The following CRYM variants were observed in gnomAD, a reference collection of about 807,000 sequenced individuals.
The protein encoded by CRYM is ketimine reductase mu-crystallin.
In CRYM, 18 loss-of-function variants were observed where a neutral mutation model predicts 32.9. The ratio of observed to expected loss-of-function variants is 0.55; its 90% CI spans 0.38 to 0.81. The LOEUF (loss-of-function observed/expected upper bound fraction) is 0.81, where lower values mean the gene tolerates loss of function less well. CRYM is among the 30% of genes least tolerant of loss of function. CRYM has a pLI of 0.00. For missense variants in CRYM, 337 were observed against 393.5 expected (o/e 0.86, Z 1.21); for synonymous variants, 153 against 152.4 (o/e 1.00, Z -0.03).
rs149940686 is a variant in CRYM, at chr16:21,302,230, T to G, written c.-193+748A>C. 7.9e-3 allele frequency among the ~76,000 whole-genome samples: 1,206 copies of G among 152,354 alleles called. 20 individuals are homozygous for G. The highest frequency in any genetic ancestry group is 0.027 in the African/African-American group (1,121 of 41,584). On this transcript the variant is annotated intron_variant, in intron 1 of 9. Coordinates refer to the CRYM transcript ENST00000219599. The stretch of plus-strand genomic sequence containing the variant: ...TCCAGAATTTATTTGCTGTGACCTA[T>G]GGCAAATTGCTTGGTTTCTCTAAGC...
chr16:21,289,312 T>C (rs1960554487), intron 1 of CRYM, among the ~76,000 whole-genome samples: 1 of 152,262 alleles, frequency 6.6e-6, no homozygotes, highest in Admixed American at 6.5e-5. Context: ...TTAACCCATT[T>C]AATAGTATAT....
At chr16:21,276,708 T>G (rs1183805722) in intron 2 of CRYM, among the ~76,000 whole-genome samples, 1 of 152,228 alleles carries the variant, frequency 6.6e-6, no homozygotes, top group Non-Finnish European at 1.5e-5. Flanking sequence ...ATGTAGCAGT[T>G]AAAATGGCGG....
chr16:21,296,372 A>G (rs984272194), intron 1 of CRYM, among the ~76,000 whole-genome samples: 4 of 152,254 alleles, frequency 2.6e-5, no homozygotes, highest in African/African-American at 9.6e-5. Context: ...AGAACTTGTC[A>G]GGGAGAAATA....
At chr16:21,264,720 T>C (rs1462938827) in intron 5 of CRYM, among the ~76,000 whole-genome samples, 1 of 152,190 alleles carries the variant, frequency 6.6e-6, no homozygotes, top group Non-Finnish European at 1.5e-5. Context: ...CAGCCCTTCC[T>C]GGAGAATGAT....
At chr16:21,260,881 C>G (rs983358242) in intron 7 of CRYM, among the ~76,000 whole-genome samples, 4 of 152,176 alleles carry the variant, frequency 2.6e-5, no homozygotes, top group Non-Finnish European at 2.9e-5. Flanking sequence ...ACATCTTTGT[C>G]CCCTGCCCCC....
upstream of CRYM, among the ~76,000 whole-genome samples, chr16:21,282,115 T>C (rs895941383): frequency 2.6e-5 from 4 of 152,202 alleles, no homozygotes; most frequent in African/African-American, 9.7e-5. Context: ...CTGATGATAG[T>C]GAATGAGTCT....
At position 21,258,783 on chromosome 16, in the gene CRYM, AT is replaced by A; in HGVS notation, c.942del (p.Lys314AsnfsTer13). ...KLIYDSWSSG[K>X] ...TCTCAACATCAAGTTCCTTTGTTTT[AT>A]TTACCAGATGACCAGGAATCATAGA... On this transcript the variant is annotated frameshift_variant, in exon 8 of 8. Coordinates refer to ENST00000572914, the MANE Select transcript of CRYM (RefSeq NM_001376256.1). LOFTEE classifies it high-confidence loss of function. The A allele has an allele frequency of 1.2e-6, 2 of 1,613,626 alleles. No homozygotes were observed. The highest frequency in any genetic ancestry group is 8.5e-7 in the Non-Finnish European group (1 of 1,179,560).
In CRYM at chr16:21,295,575, C is replaced by T. The variant is rs79300408; in HGVS notation, c.-193+7403G>A. Reference sequence around the variant, plus strand: ...TGTATGTTGTGCTTTTCAAGGAATTCGTCCATTTCACTTAAATTGTTAACT... The same window carrying T: ...TGTATGTTGTGCTTTTCAAGGAATTTGTCCATTTCACTTAAATTGTTAACT... On this transcript the variant is annotated intron_variant, in intron 1 of 9. Coordinates refer to the CRYM transcript ENST00000219599. 7.6e-3 allele frequency among the ~76,000 whole-genome samples: 1,160 copies of T among 152,130 alleles called. 15 individuals are homozygous for T. Among genetic ancestry groups the T allele is most frequent in the African/African-American group, 0.025 (1,049 of 41,498 alleles).
At chr16:21,301,001 CG>C (rs1960907292) in intron 1 of CRYM, 1 of 67,694 alleles carries the variant, frequency 1.5e-5, no homozygotes, top group African/African-American at 6.2e-5. Context: ...AGAACCGTCC[CG>C]GACAGAAGCC....
At chr16:21,293,260 A>G (rs1047904057) in intron 1 of CRYM, among the ~76,000 whole-genome samples, 1 of 152,178 alleles carries the variant, frequency 6.6e-6, no homozygotes, top group Non-Finnish European at 1.5e-5. Context: ...CCCAGTAGGA[A>G]GAAGGTTGTG....
At chr16:21,283,909 G>C (rs1436180730) in intron 1 of CRYM, 1 of 152,856 alleles carries the variant, frequency 6.5e-6, no homozygotes, top group East Asian at 1.9e-4. Flanking sequence ...GGGATGAGGA[G>C]CCCCAACCAG....
intron 1 of CRYM, chr16:21,283,770 C>T (rs372112132): frequency 2.6e-5 from 4 of 152,102 alleles, no homozygotes; most frequent in African/African-American, 9.6e-5. Context: ...GCTCCCCACA[C>T]TCCCACCCCG....
chr16:21,265,679 T>C (rs1286482216), intron 5 of CRYM, among the ~76,000 whole-genome samples: 1 of 152,260 alleles, frequency 6.6e-6, no homozygotes, highest in Non-Finnish European at 1.5e-5. Flanking sequence ...TATGATTGAA[T>C]GCGTCATCAT....
Position 21,278,247 on chromosome 16 carries a change from C to T in CRYM, c.5G>A (p.Ser2Asn). Residue 2 changes from serine to asparagine, a missense_variant, in exon 1 of 8, where the codon AGC (serine) becomes AAC (asparagine). Coordinates refer to ENST00000572914, the MANE Select transcript of CRYM (RefSeq NM_001376256.1). M[S>N]RVPAFLSAAE... ...CGCGCTCAGGAACGCTGGTACCCGG[C>T]TCATCTCGCCACCTGTGCCTTCTAA... The T allele has an allele frequency of 1.9e-6, 3 of 1,585,210 alleles. No individual in the cohort carries two copies. The highest frequency in any genetic ancestry group is 1.7e-6 in the Non-Finnish European group (2 of 1,169,532).
chr16:21,267,424 G>A (rs2093366074), intron 5 of CRYM, 130 bp downstream of exon 5: 1 of 974,912 alleles, frequency 1.0e-6, no homozygotes, highest in Non-Finnish European at 1.6e-6. Context: ...AATCTCACAT[G>A]TTTTCAAGGC....
At chr16:21,296,125 A>G (rs1288704260) in intron 1 of CRYM, among the ~76,000 whole-genome samples, 1 of 152,186 alleles carries the variant, frequency 6.6e-6, no homozygotes, top group Non-Finnish European at 1.5e-5. Flanking sequence ...TTTAGTAGAG[A>G]CAGGGTTTCA....
chr16:21,261,153 G>A, intron 7 of CRYM, 101 bp downstream of exon 7: 2 of 879,476 alleles, frequency 2.3e-6, no homozygotes, highest in Non-Finnish European at 3.9e-6. Context: ...GGAGCACAAT[G>A]ATTCAGCTGC....
upstream of CRYM, among the ~76,000 whole-genome samples, chr16:21,282,277 C>T (rs1390091727): frequency 6.6e-6 from 1 of 152,182 alleles, no homozygotes; most frequent in African/African-American, 2.4e-5. Flanking sequence ...TCCAATAAGC[C>T]TCTTTCTTCT....
intron 3 of CRYM, among the ~76,000 whole-genome samples, chr16:21,270,797 C>T (rs2093373833): frequency 6.6e-6 from 1 of 152,184 alleles, no homozygotes; most frequent in African/African-American, 2.4e-5. Flanking sequence ...GATCTTTTCA[C>T]TGCCTCTGTC....
Sources: allele counts gnomAD v4.1 joint callset (sites outside exome capture counted in the v4.1 genomes callset), GRCh38; gene constraint gnomAD v4.1.1; transcripts MANE v1.5; gene names NCBI Gene and HGNC (gene_info 2026-07-23, HGNC 2026-07-21).